ALK: variants seen among roughly 807,000 people sequenced by gnomAD.
ALK encodes ALK receptor tyrosine kinase.
Under a neutral mutation model 163.1 loss-of-function variants are expected in ALK, and 74 were observed. That is an observed-to-expected ratio of 0.45 (90% CI 0.38 to 0.55). The LOEUF (loss-of-function observed/expected upper bound fraction) is 0.55, where lower values mean the gene tolerates loss of function less well. Ranked by LOEUF, ALK falls within the 20% of genes least tolerant of loss-of-function variation. The pLI is 0.00. For missense variants in ALK, 2,063 were observed against 2,105.3 expected, an observed-to-expected ratio of 0.98 and a Z score of 0.39; for synonymous variants, 960 against 843.2, an observed-to-expected ratio of 1.14 and a Z score of -2.40.
chr2:29,231,281 G>C (rs1184130225), intron 15 of ALK, among the ~76,000 whole-genome samples: 1 of 152,248 alleles, frequency 6.6e-6, no homozygotes, highest in Non-Finnish European at 1.5e-5. Context: ...GAGGTGGCAT[G>C]AGCCGAGACC....
At chr2:29,680,326 T>C (rs539326344) in intron 3 of ALK, among the ~76,000 whole-genome samples, 3 of 152,254 alleles carry the variant, frequency 2.0e-5, no homozygotes, top group Middle Eastern at 3.4e-3. Context: ...TTATAACACT[T>C]CATGTTGTCC....
chr2:29,241,186 T>C (rs529754741), intron 12 of ALK, among the ~76,000 whole-genome samples: 1 of 152,208 alleles, frequency 6.6e-6, no homozygotes, highest in South Asian at 2.1e-4. Context: ...AGCTCCAGGC[T>C]CTTCAAGAGC....
At chr2:29,530,845 A>G (rs1017788828) in intron 4 of ALK, among the ~76,000 whole-genome samples, 5 of 152,206 alleles carry the variant, frequency 3.3e-5, no homozygotes, top group Non-Finnish European at 7.3e-5. Context: ...GAAGATGGAT[A>G]TGAGTTTAGG....
intron 15 of ALK, among the ~76,000 whole-genome samples, 181 bp from the exon 16 acceptor site, chr2:29,229,247 T>A (rs1458195404): frequency 6.6e-6 from 1 of 152,162 alleles, no homozygotes; most frequent in Non-Finnish European, 1.5e-5. Flanking sequence ...GGAGGCTGCT[T>A]GCCCTAGGAG....
At chr2:29,641,193 A>AT (rs1262593211) in intron 3 of ALK, among the ~76,000 whole-genome samples, 3 of 152,136 alleles carry the variant, frequency 2.0e-5, no homozygotes, top group Non-Finnish European at 4.4e-5. Context: ...AAGCAAGGGA[A>AT]TTTTAATGCC....
intron 4 of ALK, among the ~76,000 whole-genome samples, chr2:29,440,705 G>C (rs1224828507): frequency 1.3e-5 from 2 of 152,172 alleles, no homozygotes; most frequent in African/African-American, 2.4e-5. Context: ...TGACCTTCAA[G>C]GGCATGAACC....
Position 29,193,039 on chromosome 2 carries a change from GA to G in ALK, c.*184del, listed in dbSNP as rs1668910389. On this transcript the variant is annotated 3_prime_UTR_variant, in exon 29 of 29. Coordinates refer to ENST00000389048, the MANE Select transcript of ALK (RefSeq NM_004304.5). ...ATATTTTCTTCTTTCGAAAGAATAG[GA>G]TGAACCCATGCTCAAAACCTTTCTA... The G allele has an allele frequency of 3.0e-6, 2 of 665,196 alleles. No individual in the cohort carries two copies. Among genetic ancestry groups the G allele is most frequent in the Admixed American group, 4.9e-5 (2 of 41,010 alleles). The allele number at this position is 665,196 out of a possible 1,614,324, so 41.2% of individuals were successfully genotyped here.
intron 4 of ALK, among the ~76,000 whole-genome samples, chr2:29,444,639 T>C (rs115179492): frequency 0.013 from 1,995 of 152,326 alleles, 45 homozygotes; most frequent in African/African-American, 0.045. Context: ...AATATATTAA[T>C]AGCATATATT....
chr2:29,513,812 A>T (rs1281426595), intron 4 of ALK, among the ~76,000 whole-genome samples: 11 of 139,626 alleles, frequency 7.9e-5, no homozygotes, highest in African/African-American at 2.5e-4. Flanking sequence ...AGAAAAAAAC[A>T]AACAACCCCA....
chr2:29,558,937 T>C (rs772870020), intron 3 of ALK, among the ~76,000 whole-genome samples: 41 of 152,254 alleles, frequency 2.7e-4, no homozygotes, highest in Non-Finnish European at 5.1e-4. Context: ...TTTTAAGAAG[T>C]CAAATATGAA....
intron 3 of ALK, among the ~76,000 whole-genome samples, chr2:29,667,028 T>C (rs918413311): frequency 6.6e-6 from 1 of 152,150 alleles, no homozygotes; most frequent in Non-Finnish European, 1.5e-5. Context: ...TTTTATTCTT[T>C]CTTATGGCTA....
chr2:29,580,956 A>G (rs1011749851), intron 3 of ALK, among the ~76,000 whole-genome samples: 2 of 152,202 alleles, frequency 1.3e-5, no homozygotes, highest in Admixed American at 6.5e-5. Flanking sequence ...AGGATGAGTC[A>G]GTGTGGGTGG....
chr2:29,778,017 A>C (rs917882711), intron 1 of ALK, among the ~76,000 whole-genome samples: 2 of 152,218 alleles, frequency 1.3e-5, no homozygotes, highest in East Asian at 3.8e-4. Context: ...GCAGGGGGAC[A>C]CCTCAGCTCC....
intron 4 of ALK, among the ~76,000 whole-genome samples, chr2:29,506,426 C>G (rs1672324230): frequency 6.6e-6 from 1 of 152,154 alleles, no homozygotes; most frequent in Admixed American, 6.5e-5. Flanking sequence ...GGGGATAATG[C>G]TTTGCACTTT....
intron 8 of ALK, among the ~76,000 whole-genome samples, chr2:29,313,173 G>A (rs6708752): frequency 0.16 from 24,221 of 152,236 alleles, 2,059 homozygotes; most frequent in Non-Finnish European, 0.18. Context: ...GAGAGGGGAA[G>A]TGTGCAATAT....
intron 3 of ALK, among the ~76,000 whole-genome samples, chr2:29,681,862 C>T (rs1678081344): frequency 6.6e-6 from 1 of 152,052 alleles, no homozygotes; most frequent in Non-Finnish European, 1.5e-5. Context: ...CTCAGGAGCA[C>T]AGAACCCAGT....
At chr2:29,428,295 G>GA (rs1202195018) in intron 4 of ALK, among the ~76,000 whole-genome samples, 1 of 151,714 alleles carries the variant, frequency 6.6e-6, no homozygotes, top group Non-Finnish European at 1.5e-5. Flanking sequence ...ACAGAGAATA[G>GA]AAAAAATAGA....
intron 4 of ALK, among the ~76,000 whole-genome samples, chr2:29,473,138 C>T (rs1671412048): frequency 6.6e-6 from 1 of 152,196 alleles, no homozygotes; most frequent in East Asian, 1.9e-4. Flanking sequence ...GTATTTAAAA[C>T]AGTGTGGTAC....
intron 3 of ALK, among the ~76,000 whole-genome samples, chr2:29,593,335 A>T (rs1038512251): frequency 2.0e-5 from 3 of 152,342 alleles, no homozygotes; most frequent in Middle Eastern, 6.8e-3. Flanking sequence ...TTGCCTATGG[A>T]GAAACAGGGA....
Sources: allele counts gnomAD v4.1 joint callset (sites outside exome capture counted in the v4.1 genomes callset), GRCh38; gene constraint gnomAD v4.1.1; transcripts MANE v1.5; gene names NCBI Gene and HGNC (gene_info 2026-07-23, HGNC 2026-07-21).